TGFBR1: variants seen among roughly 807,000 people sequenced by gnomAD.
The protein encoded by TGFBR1 is transforming growth factor beta receptor 1.
TGFBR1 carries 20 observed loss-of-function variants against 55.1 expected under a neutral mutation model. That is an observed-to-expected ratio of 0.36 (90% CI 0.26 to 0.53). The LOEUF (loss-of-function observed/expected upper bound fraction) is 0.53. TGFBR1 is among the 20% of genes least tolerant of loss of function. The probability of loss-of-function intolerance (pLI) is 0.91; values close to 1 mark genes in which losing one functional copy is unlikely to be tolerated. For missense variants in TGFBR1, 385 were observed against 617.6 expected (o/e 0.62, Z 3.99); for synonymous variants, 220 against 214.8 (o/e 1.02, Z -0.21).
At position 99,151,097 on chromosome 9, in the gene TGFBR1, C is replaced by T; in HGVS notation, c.*1792C>T. 4.4e-6 allele frequency: 1 copy of T among 228,460 alleles called. No homozygotes were observed. The highest frequency in any genetic ancestry group is 8.7e-6 in the Non-Finnish European group (1 of 114,988). 14.2% of individuals were successfully genotyped at this position (228,460 alleles called of 1,614,324 possible). Reference sequence around the variant, plus strand: ...GTTGCATTCTGATAATGTCTTATCTCTTATACGTAGAATAAATTTGAAAGA... The same window carrying T: ...GTTGCATTCTGATAATGTCTTATCTTTTATACGTAGAATAAATTTGAAAGA... On this transcript the variant is annotated 3_prime_UTR_variant, in exon 9 of 9. Transcript: ENST00000374994.
At chr9:99,120,862 T>G (rs1826878003) in intron 1 of TGFBR1, among the ~76,000 whole-genome samples, 1 of 152,234 alleles carries the variant, frequency 6.6e-6, no homozygotes, top group African/African-American at 2.4e-5. Context: ...CTTGTGTGAT[T>G]TATTTCGAAT....
intron 1 of TGFBR1, among the ~76,000 whole-genome samples, chr9:99,106,493 C>T (rs904771629): frequency 6.6e-6 from 1 of 152,182 alleles, no homozygotes; most frequent in African/African-American, 2.4e-5. Context: ...TAGCTACCGT[C>T]TATGTATTGT....
chr9:99,115,274 T>C (rs1826702956), intron 1 of TGFBR1, among the ~76,000 whole-genome samples: 1 of 152,154 alleles, frequency 6.6e-6, no homozygotes, highest in Non-Finnish European at 1.5e-5. Context: ...CCTCCTTATT[T>C]TTGTTCATTT....
rs2118805276 is a variant in TGFBR1 at position 99,144,807 on chromosome 9, C to T, written c.1049C>T (p.Ala350Val). 6.2e-7 allele frequency: 1 copy of T among 1,613,970 alleles called. No homozygotes were observed. The highest frequency in any genetic ancestry group is 8.5e-7 in the Non-Finnish European group (1 of 1,179,912). ...AAGAAGAATGGAACTTGCTGTATTG[C>T]AGACTTAGGACTGGCAGTAAGACAT... ...LVKKNGTCCI[A>V]DLGLAVRHDS... The change falls in exon 6 of 9, where the codon GCA becomes GTA. Residue 350 changes from alanine (A) to valine (V), a missense_variant. Around this residue, in one of 5 missense-constraint regions of TGFBR1, gnomAD observed 85 missense variants for 228.4 expected, o/e 0.37. Transcript: ENST00000374994.
chr9:99,110,877 T>G (rs1259285036), intron 1 of TGFBR1, among the ~76,000 whole-genome samples: 1 of 152,252 alleles, frequency 6.6e-6, no homozygotes, highest in African/African-American at 2.4e-5. Context: ...GGGTATGTAC[T>G]CTTTTCCTAT....
chr9:99,105,091 A>G, upstream of TGFBR1: 1 of 796,718 alleles, frequency 1.3e-6, no homozygotes, highest in Non-Finnish European at 1.5e-6. Context: ...GCAGTTACAA[A>G]GGGCCGGAGC....
rs1283808616 is a variant in TGFBR1 at position 99,152,509 on chromosome 9, C to G, written c.*3204C>G. 4.3e-6 allele frequency: 1 copy of G among 230,824 alleles called. No homozygotes were observed. The highest frequency in any genetic ancestry group is 5.7e-5 in the Admixed American group (1 of 17,688). 14.3% of individuals were successfully genotyped at this position (230,824 alleles called of 1,614,324 possible). The stretch of plus-strand genomic sequence containing the variant: ...TTTTATTACAAAATGTAAGTGGTCA[C>G]TTGGCGATTTTGTAGTACATGCATG... On this transcript the variant is annotated 3_prime_UTR_variant, in exon 9 of 9. Transcript: ENST00000374994.
chr9:99,114,119 G>A (rs761724315), intron 1 of TGFBR1, among the ~76,000 whole-genome samples: 21 of 152,158 alleles, frequency 1.4e-4, no homozygotes, highest in Non-Finnish European at 2.9e-4. Flanking sequence ...TACGAGAAAA[G>A]TTAGTTTATC....
At chr9:99,126,039 A>G (rs566957084) in intron 1 of TGFBR1, among the ~76,000 whole-genome samples, 113 of 152,306 alleles carry the variant, frequency 7.4e-4, no homozygotes, top group African/African-American at 2.6e-3. Flanking sequence ...GGAGATACCA[A>G]TTATTGTGAA....
chr9:99,111,776 C>T (rs993582811), intron 1 of TGFBR1, among the ~76,000 whole-genome samples: 1 of 152,148 alleles, frequency 6.6e-6, no homozygotes, highest in East Asian at 1.9e-4. Flanking sequence ...GGAAATAGCT[C>T]ATCTATTCTT....
At chr9:99,142,501 T>A in intron 4 of TGFBR1, 35 bp from the exon 5 acceptor site, 1 of 1,613,470 alleles carries the variant, frequency 6.2e-7, no homozygotes, top group East Asian at 2.2e-5. Context: ...ATAAATGGTC[T>A]GCAGCCCAAC....
intron 1 of TGFBR1, 167 bp from the exon 2 acceptor site, chr9:99,128,688 T>C (rs1827115433): frequency 2.2e-6 from 2 of 901,222 alleles, no homozygotes; most frequent in Non-Finnish European, 3.5e-6. Flanking sequence ...TAATATAATT[T>C]GAAACTTCTA....
intron 5 of TGFBR1, 103 bp from the exon 6 acceptor site, chr9:99,144,629 G>A: frequency 3.7e-6 from 5 of 1,354,038 alleles, no homozygotes; most frequent in Non-Finnish European, 5.2e-6. Context: ...GGGCTGAAAT[G>A]CTTTGATAAT....
In TGFBR1 at chr9:99,118,003, A is replaced by G. The variant is rs371897062; in HGVS notation, c.98-10852A>G. On this transcript the variant is annotated intron_variant, in intron 1 of 8. Coordinates refer to ENST00000374994, the MANE Select transcript of TGFBR1 (RefSeq NM_004612.4). ...TAAATACATTTTAAAATTTTATTTT[A>G]TCTCCTTTGTAATTTCTATCAATAA... Among the ~76,000 whole-genome samples the G allele has an allele frequency of 1.5e-4, 23 of 152,264 alleles. No homozygotes were observed. In the East Asian group the frequency reaches 1.5e-3, roughly 10 times the overall value.
At chr9:99,144,510 T>A (rs1827728380) in intron 5 of TGFBR1, among the ~76,000 whole-genome samples, 1 of 152,222 alleles carries the variant, frequency 6.6e-6, no homozygotes, top group Non-Finnish European at 1.5e-5. Context: ...TTGTTCATCT[T>A]TTAAAGCATG....
chr9:99,143,853 G>A (rs1012008864), intron 5 of TGFBR1, among the ~76,000 whole-genome samples: 1 of 152,096 alleles, frequency 6.6e-6, no homozygotes, highest in Non-Finnish European at 1.5e-5. Flanking sequence ...GCTCCTTTTT[G>A]TCTGTAGATT....
At position 99,151,393 on chromosome 9, in the gene TGFBR1, TTTTG is replaced by T. The variant is rs1235158619; in HGVS notation, c.*2092_*2095del. On this transcript the variant is annotated 3_prime_UTR_variant, in exon 9 of 9. Coordinates refer to ENST00000374994, the MANE Select transcript of TGFBR1 (RefSeq NM_004612.4). ...GGTACTTTTTTTGTGGGGGTTTTTT[TTTTG>T]TTTTTTTTTTTTTGTTGTTGTTTTT... The T allele has an allele frequency of 1.9e-5, 4 of 215,522 alleles. No homozygotes were observed. Among genetic ancestry groups the T allele is most frequent in the African/African-American group, 9.8e-5 (4 of 40,890 alleles). The allele number at this position is 215,522 out of a possible 1,614,324, so 13.4% of individuals were successfully genotyped here.
chr9:99,111,123 G>T (rs1826556262), intron 1 of TGFBR1, among the ~76,000 whole-genome samples: 1 of 151,990 alleles, frequency 6.6e-6, no homozygotes, highest in African/African-American at 2.4e-5. Flanking sequence ...GAATCTTCCT[G>T]ACGAGTCCAG....
chr9:99,141,867 G>A (rs1333664645), intron 4 of TGFBR1, among the ~76,000 whole-genome samples: 1 of 152,134 alleles, frequency 6.6e-6, no homozygotes, highest in African/African-American at 2.4e-5. Context: ...GTTCCTCGTT[G>A]TTTGAGTTTA....
Sources: gnomAD v4.1 joint callset for allele counts (sites outside exome capture counted in the v4.1 genomes callset) on GRCh38, gnomAD v4.1.1 for gene constraint, gnomAD v4.1.1 regional missense constraint, MANE v1.5 for transcripts, NCBI Gene and HGNC (gene_info 2026-07-23, HGNC 2026-07-21) for gene names.